Variants in PCIF1 observed in about 807,000 individuals in gnomAD.
PCIF1 encodes the protein phosphorylated CTD interacting factor 1, also known as mRNA (2'-O-methyladenosine-N(6)-)-methyltransferase.
In PCIF1, 12 loss-of-function variants were observed where a neutral mutation model predicts 86.9. That is an observed-to-expected ratio of 0.14 (90% CI 0.09 to 0.22). The LOEUF is 0.22. Among genes scored for constraint, PCIF1 ranks in the 10% least tolerant of loss-of-function variants. PCIF1 has a pLI of 1.00. For synonymous variants in PCIF1, 397 were observed against 372.0 expected (o/e 1.07, Z -0.77); for missense variants, 701 against 951.1 (o/e 0.74, Z 3.46).
rs74436333 is a variant in PCIF1 at position 45,937,405 on chromosome 20, A to G, written c.-187-13A>G. Reference sequence around the variant, plus strand: ...CCCACAGGTCTGTGACTGTTTTCCTATTTGCTTTCCAGCTGCTGATGCAAG... The same window carrying G: ...CCCACAGGTCTGTGACTGTTTTCCTGTTTGCTTTCCAGCTGCTGATGCAAG... On this transcript the variant is annotated splice_polypyrimidine_tract_variant and intron_variant, in intron 1 of 16. Transcript: ENST00000372409. The G allele has an allele frequency of 0.028, 11,098 of 398,690 alleles. 336 individuals are homozygous for G. The highest frequency in any genetic ancestry group is 0.091 in the African/African-American group (4,428 of 48,502). 24.7% of individuals were successfully genotyped at this position (398,690 alleles called of 1,614,324 possible).
At chr20:45,935,193 TGCGCGCGC>T (rs57434270) in intron 1 of PCIF1, among the ~76,000 whole-genome samples, 126 of 144,780 alleles carry the variant, frequency 8.7e-4, no homozygotes, top group Non-Finnish European at 6.2e-4. Context: ...GAGGGGAAGG[TGCGCGCGC>T]GCGCGCGCGC....
chr20:45,945,695 C>T lies in PCIF1; in HGVS notation c.1169-16C>T, dbSNP rs369496163. 67 of 1,609,612 alleles carry T rather than the reference C, an allele frequency of 4.2e-5. No homozygotes were observed. The highest frequency in any genetic ancestry group is 5.1e-5 in the Non-Finnish European group (60 of 1,177,048). On this transcript the variant is annotated splice_polypyrimidine_tract_variant and intron_variant, in intron 11 of 16. Transcript: ENST00000372409. ...GAATGAGGAGTGTGGTCCCTCACTG[C>T]TCTCCCTGCCCACAGAGGAGGTGGA...
intron 1 of PCIF1, among the ~76,000 whole-genome samples, chr20:45,936,537 G>A (rs1215146613): frequency 6.6e-6 from 1 of 151,936 alleles, no homozygotes; most frequent in Non-Finnish European, 1.5e-5. Flanking sequence ...CCAGGCTGGA[G>A]CACAGTGGCA....
chr20:45,939,102 C>G lies in PCIF1; in HGVS notation c.103C>G (p.Arg35Gly), dbSNP rs763052845. ...CCAGCCCTGTTCTCCAAAGCCAATC[C>G]GCCTGGTTCAGGACCTCCCAGGTAC... Reference protein sequence around the residue: ...QSQPCSPKPIRLVQDLPEELV... With the variant: ...QSQPCSPKPIGLVQDLPEELV... Residue 35 changes from arginine (R) to glycine (G), a missense_variant, in exon 3 of 17, where the codon CGC becomes GGC. Transcript: ENST00000372409. 1 of 1,614,054 alleles carries G rather than the reference C, an allele frequency of 6.2e-7. No individual in the cohort carries two copies. The highest frequency in any genetic ancestry group is 8.5e-7 in the Non-Finnish European group (1 of 1,179,996).
Position 45,943,852 on chromosome 20 carries a change from C to G in PCIF1, c.1005+87C>G, listed in dbSNP as rs1012680305. ...GCCTACTCTGCCTGTCCAGGCTGGG[C>G]AAGGCCTCCCCCAGCGGCCTATTCT... is the stretch of plus-strand genomic sequence containing the variant. On this transcript the variant is annotated intron_variant, in intron 10 of 16. Transcript: ENST00000372409. The surrounding 1 kb of genome is among the most constrained non-coding windows in gnomAD (Gnocchi z 5.5). The G allele has an allele frequency of 1.6e-5, 18 of 1,103,378 alleles. No individual in the cohort carries two copies. The African/African-American group carries it at 2.3e-4, about 14-fold the overall frequency. The allele number at this position is 1,103,378 out of a possible 1,614,324, so 68.3% of individuals were successfully genotyped here. A position where few individuals can be genotyped will look rare whatever the true frequency, so the allele number is the denominator to read the frequency against.
Position 45,947,191 on chromosome 20 carries a change from G to A in PCIF1, c.1707+25G>A, listed in dbSNP as rs188125146. The A allele has an allele frequency of 3.1e-6, 5 of 1,605,284 alleles. No homozygotes were observed. In the South Asian group the frequency reaches 3.3e-5, roughly 11 times the overall value. On this transcript the variant is annotated intron_variant, in intron 15 of 16. Transcript: ENST00000372409. This position sits in a 1 kb window ranked among gnomAD's most constrained non-coding sequence, Gnocchi z 5.4. Reference sequence around the variant, plus strand: ...GGTGGGTGCACTGCCAGGGTGAGAGGTGGGCAACAGGCAGGATTGCCAGCC... The same window carrying A: ...GGTGGGTGCACTGCCAGGGTGAGAGATGGGCAACAGGCAGGATTGCCAGCC...
rs775466956 is a variant in PCIF1 at position 45,943,135 on chromosome 20, C to T, written c.712C>T (p.Leu238=). The T allele has an allele frequency of 5.6e-6, 9 of 1,614,072 alleles. No homozygotes were observed. Among genetic ancestry groups the T allele is most frequent in the Non-Finnish European group, 5.9e-6 (7 of 1,180,006 alleles). ...PPRESFNRWM[L]ERKVVDKGSD... The stretch of plus-strand genomic sequence containing the variant: ...ACGGGAGTCTTTCAACCGCTGGATG[C>T]TGGAGCGCAAGGTGGTAGACAAAGG... Residue 238 remains leucine, a synonymous_variant, in exon 8 of 17, where the codon CTG becomes TTG. Transcript: ENST00000372409. This position sits in a 1 kb window ranked among gnomAD's most constrained non-coding sequence, Gnocchi z 5.5.
chr20:45,946,526 A>G (rs2083528512), intron 14 of PCIF1, 142 bp downstream of exon 14: 1 of 1,051,532 alleles, frequency 9.5e-7, no homozygotes, highest in South Asian at 1.5e-5. Context: ...GACCTTGGAC[A>G]TGTTGCTTAA....
chr20:45,943,209 C>T lies in PCIF1; in HGVS notation c.786C>T (p.Ser262=). 2 of 1,614,186 alleles carry T rather than the reference C, an allele frequency of 1.2e-6. No homozygotes were observed. Among genetic ancestry groups the T allele is most frequent in the Non-Finnish European group, 1.7e-6 (2 of 1,180,040 alleles). Residue 262 remains serine (S), a synonymous_variant, in exon 8 of 17, where the codon TCC becomes TCT. Coordinates refer to ENST00000372409, the MANE Select transcript of PCIF1 (RefSeq NM_022104.4). The surrounding 1 kb of genome is among the most constrained non-coding windows in gnomAD (Gnocchi z 5.5). ...ACTGTGAACCAGTCGTGTCACCTTCCATGTTTCGTGAAATCATGAACGACA... is the reference window on the plus strand; with the variant it reads ...ACTGTGAACCAGTCGTGTCACCTTCTATGTTTCGTGAAATCATGAACGACA... The part of the protein sequence containing the change: ...PSNCEPVVSP[S]MFREIMNDIP...
intron 10 of PCIF1, among the ~76,000 whole-genome samples, chr20:45,944,402 C>T (rs1232994700): frequency 2.0e-5 from 3 of 152,206 alleles, no homozygotes; most frequent in Non-Finnish European, 4.4e-5. Context: ...CAAATCCCGA[C>T]AGTCATCTTT....
At chr20:45,946,149 G>C in intron 13 of PCIF1, 34 bp downstream of exon 13, 1 of 1,614,166 alleles carries the variant, frequency 6.2e-7, no homozygotes, top group Non-Finnish European at 8.5e-7. Flanking sequence ...GGGCTCCCCA[G>C]GAGGGAACAG....
At position 45,947,021 on chromosome 20, in the gene PCIF1, G is replaced by A. The variant is rs908047018; in HGVS notation, c.1614-52G>A. On this transcript the variant is annotated intron_variant, in intron 14 of 16. Coordinates refer to ENST00000372409, the MANE Select transcript of PCIF1 (RefSeq NM_022104.4). This position sits in a 1 kb window ranked among gnomAD's most constrained non-coding sequence, Gnocchi z 5.4. ...GGGTTGGGGGGTGGCACCTGTTTCT[G>A]GTTGAGGGACTGGGTCCTGATGGGA... 48 of 1,502,470 alleles carry A rather than the reference G, an allele frequency of 3.2e-5. No homozygotes were observed. The highest frequency in any genetic ancestry group is 4.3e-5 in the Non-Finnish European group (47 of 1,096,582). 93.1% of individuals were successfully genotyped at this position (1,502,470 alleles called of 1,614,324 possible).
In PCIF1 at chr20:45,943,076, A is replaced by AG. The variant is rs774920023; in HGVS notation, c.674-20dup. On this transcript the variant is annotated intron_variant, in intron 7 of 16. Transcript: ENST00000372409. The surrounding 1 kb of genome is among the most constrained non-coding windows in gnomAD (Gnocchi z 5.5). The stretch of plus-strand genomic sequence containing the variant: ...ACTGCTTGATTAAATCCAGGCCTTC[A>AG]GCAGCTCTCCTGTCCTGCAGGCATT... 3.1e-6 allele frequency: 5 copies of AG among 1,610,458 alleles called. No individual in the cohort carries two copies. Among genetic ancestry groups the AG allele is most frequent in the Non-Finnish European group, 4.2e-6 (5 of 1,177,860 alleles).
intron 1 of PCIF1, among the ~76,000 whole-genome samples, chr20:45,935,458 GATAA>G (rs2083415906): frequency 6.6e-6 from 1 of 152,130 alleles, no homozygotes; most frequent in Admixed American, 6.5e-5. Flanking sequence ...GAAGCCACAG[GATAA>G]ATAAAGACGT....
At chr20:45,940,093 A>G (rs1179439633) in intron 4 of PCIF1, among the ~76,000 whole-genome samples, 2 of 152,224 alleles carry the variant, frequency 1.3e-5, no homozygotes, top group South Asian at 2.1e-4. Context: ...GCTTTTTACA[A>G]CAATAAGCAG....
At chr20:45,940,313 A>G (rs1317532998) in intron 4 of PCIF1, among the ~76,000 whole-genome samples, 162 bp from the exon 5 acceptor site, 4 of 152,198 alleles carry the variant, frequency 2.6e-5, no homozygotes, top group African/African-American at 7.2e-5. Context: ...CACAGTTGCA[A>G]GTTGCAGGCA....
chr20:45,947,740 G>A lies in PCIF1; in HGVS notation c.2100G>A (p.Glu700=). The change falls in exon 17 of 17, where the codon GAG becomes GAA. Residue 700 remains glutamate, a synonymous_variant. Coordinates refer to ENST00000372409, the MANE Select transcript of PCIF1 (RefSeq NM_022104.4). The surrounding 1 kb of genome is among the most constrained non-coding windows in gnomAD (Gnocchi z 5.4). ...GCCGTGAGCAGGGTCCTAGCCGCGA[G>A]CCTCACCCCACTTAACATATCCTGC... The part of the protein sequence containing the change: ...DSGREQGPSR[E]PHPT The A allele has an allele frequency of 1.2e-6, 2 of 1,600,514 alleles. No individual in the cohort carries two copies. The highest frequency in any genetic ancestry group is 1.7e-6 in the Non-Finnish European group (2 of 1,172,886).
chr20:45,940,395 G>GATCTC, intron 4 of PCIF1, 80 bp from the exon 5 acceptor site: 1 of 1,460,076 alleles, frequency 6.8e-7, no homozygotes, highest in South Asian at 1.4e-5. Context: ...GAGCAGGGGT[G>GATCTC]GGAGGGCGTG....
chr20:45,935,774 C>T (rs569992350), intron 1 of PCIF1, among the ~76,000 whole-genome samples: 15 of 152,044 alleles, frequency 9.9e-5, no homozygotes, highest in Admixed American at 9.1e-4. Flanking sequence ...GCCTCACCTC[C>T]GTATTTATTT....
Sources: allele counts gnomAD v4.1 joint callset (sites outside exome capture counted in the v4.1 genomes callset), GRCh38; gene constraint gnomAD v4.1.1; non-coding constraint Gnocchi (gnomAD v3.1); transcripts MANE v1.5; gene names NCBI Gene and HGNC (gene_info 2026-07-23, HGNC 2026-07-21).